The following FOXP2 variants were observed in gnomAD, a reference collection of about 807,000 sequenced individuals.
FOXP2 encodes the protein forkhead box P2.
A neutral mutation model predicts 115.8 loss-of-function variants in FOXP2; 12 were observed. The observed-to-expected ratio is 0.10, with a 90% CI of 0.07 to 0.17. The LOEUF (loss-of-function observed/expected upper bound fraction) is 0.17, where lower values mean the gene tolerates loss of function less well. FOXP2 is among the 10% of genes least tolerant of loss of function. The pLI is 1.00. For missense variants in FOXP2, 629 were observed against 843.5 expected (o/e 0.75, Z 3.15); for synonymous variants, 328 against 297.7 (o/e 1.10, Z -1.05).
chr7:114,400,543 TCCC>T (rs1483567860), intron 2 of FOXP2, among the ~76,000 whole-genome samples: 1 of 152,226 alleles, frequency 6.6e-6, no homozygotes, highest in East Asian at 1.9e-4. Context: ...TAGGCAGCGG[TCCC>T]CAATCTTTTT....
intron 16 of FOXP2, among the ~76,000 whole-genome samples, 195 bp from the exon 17 acceptor site, chr7:114,689,587 T>A (rs1467483043): frequency 6.6e-6 from 1 of 152,186 alleles, no homozygotes; most frequent in Non-Finnish European, 1.5e-5. Context: ...CACATTACTC[T>A]GAATCCCTGC....
At chr7:114,371,627 C>A (rs1190435011) in intron 2 of FOXP2, among the ~76,000 whole-genome samples, 1 of 151,886 alleles carries the variant, frequency 6.6e-6, no homozygotes, top group African/African-American at 2.4e-5. Flanking sequence ...CAAAGATGTT[C>A]GATTAATGAA....
intron 13 of FOXP2, among the ~76,000 whole-genome samples, chr7:114,660,797 A>C (rs2129341499): frequency 6.6e-6 from 1 of 152,246 alleles, no homozygotes; most frequent in East Asian, 1.9e-4. Flanking sequence ...AATGTAGTGA[A>C]TGTTCTGTCA....
chr7:114,159,838 A>G (rs182830416), upstream of FOXP2, among the ~76,000 whole-genome samples: 60 of 152,352 alleles, frequency 3.9e-4, no homozygotes, highest in Non-Finnish European at 5.9e-5. Flanking sequence ...TAACATGTAT[A>G]CATAGGAGCC....
chr7:114,688,142 C>T (rs1808462943), intron 16 of FOXP2, among the ~76,000 whole-genome samples: 1 of 144,746 alleles, frequency 6.9e-6, no homozygotes, highest in Admixed American at 7.0e-5. Context: ...TGTCCTTTTC[C>T]TTTCTTTTAA....
At chr7:114,463,801 G>A (rs1795686801) in intron 2 of FOXP2, among the ~76,000 whole-genome samples, 1 of 152,100 alleles carries the variant, frequency 6.6e-6, no homozygotes, top group South Asian at 2.1e-4. Context: ...GTAAAAAACA[G>A]TACAGTATGC....
upstream of FOXP2, among the ~76,000 whole-genome samples, chr7:114,413,477 A>T (rs538930319): frequency 1.1e-4 from 17 of 151,668 alleles, no homozygotes; most frequent in South Asian, 2.1e-4. Flanking sequence ...ATTTTGGTTT[A>T]AAAAAAAACC....
chr7:114,336,050 G>A (rs914847055), intron 2 of FOXP2, among the ~76,000 whole-genome samples: 1 of 151,638 alleles, frequency 6.6e-6, no homozygotes, highest in Non-Finnish European at 1.5e-5. Flanking sequence ...TGGTAAAAAA[G>A]ATACAAAGCT....
chr7:114,416,253 T>G (rs1793336696), intron 1 of FOXP2: 1 of 151,942 alleles, frequency 6.6e-6, no homozygotes, highest in East Asian at 1.9e-4. Context: ...GCAAGGTGAT[T>G]TAAGTATGCA....
chr7:114,142,324 A>AT (rs1475709743), intron 1 of FOXP2, among the ~76,000 whole-genome samples: 2 of 152,048 alleles, frequency 1.3e-5, no homozygotes, highest in Admixed American at 6.6e-5. Context: ...ACCTGGCTAG[A>AT]TTTTTTTCTA....
At chr7:114,431,092 G>A (rs1285411470) in intron 2 of FOXP2, among the ~76,000 whole-genome samples, 10 of 151,890 alleles carry the variant, frequency 6.6e-5, no homozygotes, top group Non-Finnish European at 7.4e-5. Flanking sequence ...ATAGGTACAA[G>A]TGGTAGCATA....
At chr7:114,531,957 C>T (rs73208665) in intron 2 of FOXP2, among the ~76,000 whole-genome samples, 7 of 151,994 alleles carry the variant, frequency 4.6e-5, no homozygotes, top group South Asian at 4.1e-4. Context: ...ATGAATATAA[C>T]GCAGGTTGGT....
At chr7:114,263,148 C>T (rs1430639588) in intron 1 of FOXP2, among the ~76,000 whole-genome samples, 1 of 152,092 alleles carries the variant, frequency 6.6e-6, no homozygotes, top group Admixed American at 6.5e-5. Context: ...TTAATATTTT[C>T]CTCATCACCA....
intron 1 of FOXP2, among the ~76,000 whole-genome samples, chr7:114,189,118 T>G (rs184972535): frequency 9.9e-4 from 150 of 152,260 alleles, no homozygotes; most frequent in African/African-American, 3.4e-3. Flanking sequence ...TGCTACACCT[T>G]CCCTCTGCCA....
At chr7:114,146,965 C>T (rs574613565) in intron 1 of FOXP2, among the ~76,000 whole-genome samples, 1 of 152,266 alleles carries the variant, frequency 6.6e-6, no homozygotes, top group South Asian at 2.1e-4. Flanking sequence ...GATGAATAAT[C>T]TTAGCAGTTA....
At chr7:114,250,768 G>T (rs527245912) in intron 1 of FOXP2, among the ~76,000 whole-genome samples, 1 of 152,144 alleles carries the variant, frequency 6.6e-6, no homozygotes, top group Non-Finnish European at 1.5e-5. Flanking sequence ...TCTGATAGTA[G>T]TTTCTTTTGC....
chr7:114,270,709 C>T (rs1319751416), intron 1 of FOXP2, among the ~76,000 whole-genome samples: 1 of 152,152 alleles, frequency 6.6e-6, no homozygotes, highest in Non-Finnish European at 1.5e-5. Context: ...TTTTGCTTAA[C>T]AGTCCTTTAT....
chr7:114,520,626 C>T (rs943270996), intron 2 of FOXP2, among the ~76,000 whole-genome samples: 1 of 151,872 alleles, frequency 6.6e-6, no homozygotes, highest in African/African-American at 2.4e-5. Context: ...TTCACTAATT[C>T]TAAGTGAAAA....
intron 1 of FOXP2, among the ~76,000 whole-genome samples, chr7:114,113,904 G>A (rs929161485): frequency 6.6e-6 from 1 of 151,964 alleles, no homozygotes; most frequent in Admixed American, 6.6e-5. Flanking sequence ...CTTGAGAAAG[G>A]GTTGAAAAAT....
Sources: allele counts gnomAD v4.1 joint callset (sites outside exome capture counted in the v4.1 genomes callset), GRCh38; gene constraint gnomAD v4.1.1; transcripts MANE v1.5; gene names NCBI Gene and HGNC (gene_info 2026-07-23, HGNC 2026-07-21).